Variants in FNBP1 observed in about 807,000 individuals in gnomAD.
FNBP1 encodes the protein formin-binding protein 1.
In FNBP1, 26 loss-of-function variants were observed where a neutral mutation model predicts 90.6. The observed-to-expected ratio is 0.29, with a 90% CI of 0.21 to 0.40. FNBP1 has a LOEUF of 0.40. FNBP1 is among the 10% of genes least tolerant of loss of function. FNBP1 has a pLI of 1.00. For missense variants in FNBP1, 635 were observed against 768.0 expected, an observed-to-expected ratio of 0.83 and a Z score of 2.05; for synonymous variants, 260 against 265.2, an observed-to-expected ratio of 0.98 and a Z score of 0.19.
intron 1 of FNBP1, among the ~76,000 whole-genome samples, chr9:130,030,398 G>A (rs1022310355): frequency 1.4e-5 from 2 of 147,972 alleles, no homozygotes; most frequent in African/African-American, 5.0e-5. Flanking sequence ...TTGCACCATT[G>A]CACTCCAGCC....
In FNBP1 at chr9:129,888,191, A is replaced by C. The variant is rs575429998; in HGVS notation, c.*2348T>G. On this transcript the variant is annotated 3_prime_UTR_variant, in exon 17 of 17. Transcript: ENST00000446176. ...TTCAAAGAGCAAATTACTGCAGCTT[A>C]TATCTTTTCCACTATGTTGCAAGAA... 3.4e-5 allele frequency: 8 copies of C among 232,852 alleles called. No individual in the cohort carries two copies. Among genetic ancestry groups the C allele is most frequent in the Non-Finnish European group, 6.8e-5 (8 of 117,856 alleles). The allele number at this position is 232,852 out of a possible 1,614,324, so 14.4% of individuals were successfully genotyped here.
intron 6 of FNBP1, among the ~76,000 whole-genome samples, chr9:129,934,794 A>T (rs1250543748): frequency 6.6e-6 from 1 of 151,452 alleles, no homozygotes; most frequent in African/African-American, 2.4e-5. Context: ...CTGGTCTCGA[A>T]CTCCTGACCT....
Position 129,963,980 on chromosome 9 carries a change from G to A in FNBP1, c.346-5427C>T, listed in dbSNP as rs535875592. 4.6e-5 allele frequency among the ~76,000 whole-genome samples: 7 copies of A among 152,174 alleles called. No homozygotes were observed. The South Asian group carries it at 1.2e-3, about 27-fold the overall frequency. On this transcript the variant is annotated intron_variant, in intron 4 of 16. Transcript: ENST00000446176. Reference sequence around the variant, plus strand: ...GGCCATAACATACGAAAAACTATCCGTGCTGGGGGATCCTTCAGGAAATTA... The same window carrying A: ...GGCCATAACATACGAAAAACTATCCATGCTGGGGGATCCTTCAGGAAATTA...
chr9:129,927,132 G>C (rs1312706263), intron 8 of FNBP1, 63 bp downstream of exon 8: 1 of 1,546,130 alleles, frequency 6.5e-7, no homozygotes, highest in African/African-American at 1.4e-5. Flanking sequence ...AAATGGAAAG[G>C]GGATGGGGAG....
intron 2 of FNBP1, among the ~76,000 whole-genome samples, chr9:129,987,737 G>T (rs936040950): frequency 6.6e-6 from 1 of 151,884 alleles, no homozygotes; most frequent in Admixed American, 6.6e-5. Context: ...CCAACATCAG[G>T]TCATCTGCCC....
At chr9:129,955,383 G>T (rs1365526505) in intron 6 of FNBP1, among the ~76,000 whole-genome samples, 1 of 151,838 alleles carries the variant, frequency 6.6e-6, no homozygotes, top group African/African-American at 2.4e-5. Flanking sequence ...ACAGACATGG[G>T]CTACCATGCT....
chr9:130,046,513 C>G (rs1159499650), upstream of FNBP1, among the ~76,000 whole-genome samples: 5 of 139,944 alleles, frequency 3.6e-5, no homozygotes, highest in Non-Finnish European at 6.0e-5. Flanking sequence ...GCAGGCAGAT[C>G]ATCCGAGGTC....
intron 1 of FNBP1, among the ~76,000 whole-genome samples, chr9:130,003,349 A>G (rs2055150500): frequency 6.6e-6 from 1 of 152,090 alleles, no homozygotes; most frequent in South Asian, 2.1e-4. Context: ...CTCAGCAGTA[A>G]TCTCAGCAGT....
At chr9:130,011,983 G>T (rs2056671295) in intron 1 of FNBP1, among the ~76,000 whole-genome samples, 1 of 152,164 alleles carries the variant, frequency 6.6e-6, no homozygotes, top group African/African-American at 2.4e-5. Flanking sequence ...AGGAATAGTA[G>T]CCACACCAGA....
At chr9:129,916,030 G>A in intron 10 of FNBP1, 50 bp from the exon 11 acceptor site, 8 of 1,331,086 alleles carry the variant, frequency 6.0e-6, no homozygotes, top group Admixed American at 5.6e-5. Flanking sequence ...GAAAGAGAGA[G>A]AGAAAGAGAA....
chr9:129,969,373 G>A (rs1564462387), intron 4 of FNBP1, among the ~76,000 whole-genome samples: 1 of 152,052 alleles, frequency 6.6e-6, no homozygotes, highest in Non-Finnish European at 1.5e-5. Flanking sequence ...ATTTAGTTTG[G>A]GGAAGTAATC....
intron 1 of FNBP1, among the ~76,000 whole-genome samples, chr9:129,997,000 G>T (rs2054107427): frequency 6.6e-6 from 1 of 150,668 alleles, no homozygotes; most frequent in Non-Finnish European, 1.5e-5. Flanking sequence ...CGGCCGGCCT[G>T]TTTTTTTTTA....
the FNBP1 span, chr9:130,053,847 C>G: frequency 3.2e-4 from 416 of 1,319,016 alleles, 6 homozygotes; most frequent in South Asian, 3.8e-3. Flanking sequence ...GCCGCCGAGC[C>G]CCGCTCCCCG....
At position 130,031,301 on chromosome 9, in the gene FNBP1, T is replaced by C. The variant is rs1007185510; in HGVS notation, c.24+11651A>G. ...TTCTCCACACTGAAAACTGGCACCA[T>C]AGGTACCTGCTTTCAGCAGTTCAAG... On this transcript the variant is annotated intron_variant, in intron 1 of 16. Coordinates refer to ENST00000446176, the MANE Select transcript of FNBP1 (RefSeq NM_015033.3). This position sits in a 1 kb window ranked among gnomAD's most constrained non-coding sequence, Gnocchi z 4.2. Among the ~76,000 whole-genome samples the C allele has an allele frequency of 3.9e-5, 6 of 152,226 alleles. No homozygotes were observed. Among genetic ancestry groups the C allele is most frequent in the African/African-American group, 9.6e-5 (4 of 41,470 alleles).
At chr9:130,034,326 AAAAC>A (rs981148415) in intron 1 of FNBP1, among the ~76,000 whole-genome samples, 7 of 151,514 alleles carry the variant, frequency 4.6e-5, no homozygotes, top group East Asian at 1.9e-4. Flanking sequence ...AAAAAAAAAA[AAAAC>A]AAGTTGGTCA....
intron 6 of FNBP1, among the ~76,000 whole-genome samples, chr9:129,930,506 G>A (rs1366538253): frequency 6.6e-6 from 1 of 152,096 alleles, no homozygotes; most frequent in Non-Finnish European, 1.5e-5. Context: ...AATAAGTATG[G>A]CAACTTCTTT....
Position 129,964,180 on chromosome 9 carries a change from G to A in FNBP1, c.346-5627C>T, listed in dbSNP as rs185775627. Reference sequence around the variant, plus strand: ...TATTTGTTGTTTACCAACAATGGCCGAACATTTCTTTTCTGGACAGTGAGC... The same window carrying A: ...TATTTGTTGTTTACCAACAATGGCCAAACATTTCTTTTCTGGACAGTGAGC... On this transcript the variant is annotated intron_variant, in intron 4 of 16. Transcript: ENST00000446176. Among the ~76,000 whole-genome samples, 172 of 152,260 alleles carry A rather than the reference G, an allele frequency of 1.1e-3. 1 individual carries two copies. In the Middle Eastern group the frequency reaches 0.02, roughly 18 times the overall value.
intron 1 of FNBP1, among the ~76,000 whole-genome samples, chr9:130,021,404 C>T (rs2057812727): frequency 6.6e-6 from 1 of 152,232 alleles, no homozygotes; most frequent in Admixed American, 6.5e-5. Context: ...GCCTTGAACA[C>T]TCACTGCAAA....
In FNBP1 at chr9:129,966,780, A is replaced by G. The variant is rs1388500132; in HGVS notation, c.346-8227T>C. ...ACAACAACAAAAGAAAGGAAGTGAC[A>G]TGGCCTGATCTACATTATTTCAATG... On this transcript the variant is annotated intron_variant, in intron 4 of 16. Transcript: ENST00000446176. The surrounding 1 kb of genome is among the most constrained non-coding windows in gnomAD (Gnocchi z 4.3). 6.6e-6 allele frequency among the ~76,000 whole-genome samples: 1 copy of G among 151,462 alleles called. No individual in the cohort carries two copies. Among genetic ancestry groups the G allele is most frequent in the Non-Finnish European group, 1.5e-5 (1 of 67,862 alleles).
Sources: allele counts gnomAD v4.1 joint callset (sites outside exome capture counted in the v4.1 genomes callset), GRCh38; gene constraint gnomAD v4.1.1; non-coding constraint Gnocchi (gnomAD v3.1); transcripts MANE v1.5; gene names NCBI Gene and HGNC (gene_info 2026-07-23, HGNC 2026-07-21).